Variants in RASGRF1 observed in about 807,000 individuals in gnomAD.
RASGRF1 encodes the protein ras-specific guanine nucleotide-releasing factor 1.
In RASGRF1, 40 loss-of-function variants were observed where a neutral mutation model predicts 138.7. The observed-to-expected ratio is 0.29, with a 90% CI of 0.22 to 0.38. The LOEUF (loss-of-function observed/expected upper bound fraction) is 0.38, where lower values mean the gene tolerates loss of function less well. Ranked by LOEUF, RASGRF1 falls within the 10% of genes least tolerant of loss-of-function variation. The pLI, the probability that RASGRF1 is intolerant of heterozygous loss-of-function variation, is 1.00. For synonymous variants in RASGRF1, 614 were observed against 663.2 expected (o/e 0.93, Z 1.14); for missense variants, 1,108 against 1,650.4 (o/e 0.67, Z 5.69).
At chr15:79,054,566 G>A (rs1298982493) in intron 3 of RASGRF1, among the ~76,000 whole-genome samples, 1 of 152,222 alleles carries the variant, frequency 6.6e-6, no homozygotes, top group Non-Finnish European at 1.5e-5. Flanking sequence ...GATGTGAGCA[G>A]TGTGCCATGT....
At chr15:78,996,676 G>A (rs1429693072) in intron 19 of RASGRF1, among the ~76,000 whole-genome samples, 1 of 152,178 alleles carries the variant, frequency 6.6e-6, no homozygotes, top group Admixed American at 6.5e-5. Context: ...CTCGGTGGGG[G>A]GCTCCACACA....
intron 1 of RASGRF1, among the ~76,000 whole-genome samples, chr15:79,074,982 A>G (rs1336121249): frequency 6.6e-6 from 1 of 152,186 alleles, no homozygotes; most frequent in East Asian, 1.9e-4. Flanking sequence ...AAATCACTGT[A>G]ACAGATCCAC....
intron 18 of RASGRF1, 28 bp downstream of exon 18, chr15:78,998,691 A>T (rs756393059): frequency 2.4e-5 from 37 of 1,571,330 alleles, no homozygotes; most frequent in Non-Finnish European, 3.2e-5. Flanking sequence ...GGTCCCCAGC[A>T]GCCTGCCCAG....
At chr15:79,062,938 G>A (rs1042455812) in intron 2 of RASGRF1, among the ~76,000 whole-genome samples, 2 of 145,580 alleles carry the variant, frequency 1.4e-5, no homozygotes, top group African/African-American at 2.5e-5. Flanking sequence ...GCTTTTTTTT[G>A]TTGTTGTCGT....
chr15:79,004,068 GAC>G lies in RASGRF1; in HGVS notation c.2181_2182del (p.Ser728HisfsTer71). On this transcript the variant is annotated frameshift_variant, in exon 15 of 27. Transcript: ENST00000558480. LOFTEE classifies it high-confidence loss of function. Reference sequence around the variant, plus strand: ...GCTCGGTGACGATGTCTTGGTGATGGACAGAGGTGGCGGCGAGGAGAACTTGC... The same window carrying G: ...GCTCGGTGACGATGTCTTGGTGATGGAGAGGTGGCGGCGAGGAGAACTTGC... The G allele has an allele frequency of 6.2e-7, 1 of 1,614,162 alleles. No individual in the cohort carries two copies. The highest frequency in any genetic ancestry group is 1.7e-5 in the Admixed American group (1 of 60,030).
intron 13 of RASGRF1, among the ~76,000 whole-genome samples, chr15:79,014,327 G>A (rs2056844729): frequency 6.6e-6 from 1 of 152,228 alleles, no homozygotes; most frequent in East Asian, 1.9e-4. Flanking sequence ...TTGCAAAAAT[G>A]TGGAACTAAC....
Position 78,977,244 on chromosome 15 carries a change from C to G in RASGRF1, c.3494+3376G>C, listed in dbSNP as rs184081008. Among the ~76,000 whole-genome samples, 117 of 152,278 alleles carry G rather than the reference C, an allele frequency of 7.7e-4. 1 individual carries two copies. Among genetic ancestry groups the G allele is most frequent in the Admixed American group, 1.1e-3 (17 of 15,304 alleles). The stretch of plus-strand genomic sequence containing the variant: ...TGCCCTGGCTGTGGGATGGGCTATT[C>G]TCTCTTACAAGTTTCTGCCGGCTGT... On this transcript the variant is annotated intron_variant, in intron 24 of 26. Transcript: ENST00000558480.
chr15:79,037,040 A>G (rs1228432800), intron 5 of RASGRF1, among the ~76,000 whole-genome samples: 1 of 152,194 alleles, frequency 6.6e-6, no homozygotes, highest in Non-Finnish European at 1.5e-5. Context: ...CAGTCCCTCC[A>G]GGTATAGCAA....
At chr15:79,070,717 T>C (rs1262202978) in intron 1 of RASGRF1, among the ~76,000 whole-genome samples, 1 of 152,212 alleles carries the variant, frequency 6.6e-6, no homozygotes, top group Non-Finnish European at 1.5e-5. Context: ...CAAGCAAGCA[T>C]CCAATGCATG....
intron 20 of RASGRF1, among the ~76,000 whole-genome samples, chr15:78,992,512 G>A (rs540596159): frequency 3.3e-5 from 5 of 152,334 alleles, no homozygotes; most frequent in East Asian, 1.9e-4. Flanking sequence ...CAAAGGCCTC[G>A]TGGAAGGTCT....
chr15:78,984,784 T>A, intron 23 of RASGRF1: 1 of 578,266 alleles, frequency 1.7e-6, no homozygotes, highest in South Asian at 2.0e-5. Context: ...GAGGTATTAA[T>A]TACTCAAGTG....
At chr15:79,065,580 C>T (rs62011248) in intron 1 of RASGRF1, among the ~76,000 whole-genome samples, 13,283 of 151,960 alleles carry the variant, frequency 0.087, 730 homozygotes, top group Non-Finnish European at 0.12. Context: ...GGGCCAGCTC[C>T]GCATGCAGAG....
chr15:78,994,952 G>C (rs1384100916), intron 20 of RASGRF1, among the ~76,000 whole-genome samples: 1 of 150,306 alleles, frequency 6.7e-6, no homozygotes, highest in African/African-American at 2.5e-5. Context: ...TTTGAGATGG[G>C]GGTCTCACTC....
rs182075492 is a variant in RASGRF1 at position 79,006,441 on chromosome 15, G to A, written c.1827-7C>T. ...ATATAAGGAGGCGTCGGACCTGAGA[G>A]GGGAGGAAGGATGCAGAGGTGATGT... On this transcript the variant is annotated splice_region_variant and splice_polypyrimidine_tract_variant and intron_variant, in intron 13 of 26. Transcript: ENST00000558480. This position sits in a 1 kb window ranked among gnomAD's most constrained non-coding sequence, Gnocchi z 4.0. The A allele has an allele frequency of 1.9e-6, 3 of 1,607,742 alleles. No homozygotes were observed. The highest frequency in any genetic ancestry group is 1.6e-4 in the Middle Eastern group (1 of 6,072).
intron 3 of RASGRF1, among the ~76,000 whole-genome samples, chr15:79,057,968 C>T (rs2057532773): frequency 6.6e-6 from 1 of 152,222 alleles, no homozygotes; most frequent in Non-Finnish European, 1.5e-5. Context: ...ATGCAGAATG[C>T]TCAGTCAATA....
At chr15:79,078,132 G>GGTGTGTGTGTGT (rs143462965) in intron 1 of RASGRF1, among the ~76,000 whole-genome samples, 6 of 148,172 alleles carry the variant, frequency 4.0e-5, no homozygotes, top group South Asian at 2.2e-4. Context: ...CAGAGAACCT[G>GGTGTGTGTGTGT]GTGTGTGTGT....
intron 1 of RASGRF1, among the ~76,000 whole-genome samples, chr15:79,079,197 A>T (rs992281500): frequency 6.6e-6 from 1 of 152,200 alleles, no homozygotes. Flanking sequence ...TGGCTGTTAC[A>T]CTTGGCTGGT....
chr15:79,070,630 T>C (rs193206668), intron 1 of RASGRF1, among the ~76,000 whole-genome samples: 1 of 152,328 alleles, frequency 6.6e-6, no homozygotes, highest in East Asian at 1.9e-4. Context: ...AGTTTCTTCA[T>C]CTACAAAATG....
intron 26 of RASGRF1, among the ~76,000 whole-genome samples, chr15:78,963,946 C>G (rs1259935480): frequency 6.6e-6 from 1 of 152,132 alleles, no homozygotes; most frequent in African/African-American, 2.4e-5. Flanking sequence ...CCCAAGCCCC[C>G]TGGGGATCAG....
Sources: allele counts gnomAD v4.1 joint callset (sites outside exome capture counted in the v4.1 genomes callset), GRCh38; gene constraint gnomAD v4.1.1; non-coding constraint Gnocchi (gnomAD v3.1); transcripts MANE v1.5; gene names NCBI Gene and HGNC (gene_info 2026-07-23, HGNC 2026-07-21).